RFC1: variants seen among roughly 807,000 people sequenced by gnomAD.
The protein encoded by RFC1 is replication factor C subunit 1, also known as A1 140 kDa subunit.
In RFC1, 37 loss-of-function variants were observed where a neutral mutation model predicts 137.4. That is an observed-to-expected ratio of 0.27 (90% CI 0.21 to 0.35). RFC1 has a LOEUF of 0.35. Among genes scored for constraint, RFC1 ranks in the 10% least tolerant of loss-of-function variants. The pLI is 1.00. For synonymous variants in RFC1, 429 were observed against 455.7 expected (o/e 0.94, Z 0.75); for missense variants, 1,205 against 1,358.5 (o/e 0.89, Z 1.78).
chr4:39,319,868 G>C (rs541299417), intron 9 of RFC1, among the ~76,000 whole-genome samples: 1 of 152,264 alleles, frequency 6.6e-6, no homozygotes, highest in Admixed American at 6.5e-5. Context: ...TTCACATCCT[G>C]GGTGAGATAA....
At chr4:39,301,673 G>A (rs1053322563) in intron 19 of RFC1, among the ~76,000 whole-genome samples, 2 of 150,070 alleles carry the variant, frequency 1.3e-5, no homozygotes, top group Admixed American at 6.6e-5. Context: ...TAGGCCAGAC[G>A]TGGTGGCTCA....
intron 14 of RFC1, among the ~76,000 whole-genome samples, chr4:39,305,982 AT>A: frequency 6.6e-6 from 1 of 152,228 alleles, no homozygotes; most frequent in Non-Finnish European, 1.5e-5. Flanking sequence ...GGATTGAGAA[AT>A]CCAGCAATAA....
At chr4:39,294,963 A>C (rs1384952732) in intron 22 of RFC1, among the ~76,000 whole-genome samples, 1 of 152,248 alleles carries the variant, frequency 6.6e-6, no homozygotes, top group African/African-American at 2.4e-5. Context: ...AGATCGCATC[A>C]CTGCATTCCA....
At chr4:39,295,992 G>A (rs1737968595) in intron 21 of RFC1, 1 of 348,270 alleles carries the variant, frequency 2.9e-6, no homozygotes, top group Non-Finnish European at 5.2e-6. Context: ...GGCCCTCAGG[G>A]AGATCATGTC....
chr4:39,361,650 T>C (rs895435674), intron 1 of RFC1, among the ~76,000 whole-genome samples: 2 of 152,124 alleles, frequency 1.3e-5, no homozygotes, highest in African/African-American at 4.8e-5. Flanking sequence ...AGAAATCCAC[T>C]AAAAAATTTA....
chr4:39,310,166 A>G (rs539913964), intron 12 of RFC1, among the ~76,000 whole-genome samples: 1 of 152,308 alleles, frequency 6.6e-6, no homozygotes, highest in East Asian at 1.9e-4. Context: ...AGAAAACATC[A>G]CAGATCCAAA....
chr4:39,342,305 T>C (rs1157263660), intron 4 of RFC1, 40 bp downstream of exon 4: 1 of 1,576,604 alleles, frequency 6.3e-7, no homozygotes, highest in East Asian at 2.3e-5. Context: ...CTCAAGAACA[T>C]AACACACACG....
intron 14 of RFC1, among the ~76,000 whole-genome samples, chr4:39,306,031 C>T (rs567576700): frequency 2.7e-4 from 41 of 152,344 alleles, no homozygotes; most frequent in African/African-American, 7.7e-4. Context: ...GATACTAACA[C>T]GTGAACTCTG....
chr4:39,310,815 G>T (rs763055006), intron 12 of RFC1, among the ~76,000 whole-genome samples: 4 of 152,088 alleles, frequency 2.6e-5, no homozygotes, highest in Admixed American at 2.0e-4. Flanking sequence ...ATCCTTTAAG[G>T]AACTCTTAAA....
intron 21 of RFC1, among the ~76,000 whole-genome samples, chr4:39,298,672 G>C (rs966909556): frequency 2.6e-5 from 4 of 152,040 alleles, no homozygotes; most frequent in Non-Finnish European, 5.9e-5. Flanking sequence ...TGACCACCTG[G>C]GAGAGCCAAG....
At chr4:39,362,720 A>G (rs1016926024) in intron 1 of RFC1, among the ~76,000 whole-genome samples, 2 of 152,246 alleles carry the variant, frequency 1.3e-5, no homozygotes, top group Admixed American at 6.5e-5. Flanking sequence ...TTGGATTAGC[A>G]AGAGAAACTT....
intron 23 of RFC1, among the ~76,000 whole-genome samples, chr4:39,290,429 A>C (rs1307558471): frequency 1.3e-5 from 2 of 152,090 alleles, no homozygotes; most frequent in Admixed American, 1.3e-4. Flanking sequence ...CAAACAAACA[A>C]AAGGTCACTT....
rs190957584 is a variant in RFC1 at position 39,341,620 on chromosome 4, G to C, written c.331+725C>G. On this transcript the variant is annotated intron_variant, in intron 4 of 24. Transcript: ENST00000349703. ...CTCAATGTGTCAGGCACTGGGTCTGGCCCTTTCACGTACAGCATCCCGTAT... is the reference window on the plus strand; with the variant it reads ...CTCAATGTGTCAGGCACTGGGTCTGCCCCTTTCACGTACAGCATCCCGTAT... The C allele has an allele frequency of 3.2e-4, 148 of 456,052 alleles. 1 individual carries two copies. Among genetic ancestry groups the C allele is most frequent in the African/African-American group, 2.8e-3 (138 of 50,106 alleles). The allele number at this position is 456,052 out of a possible 1,614,324, so 28.3% of individuals were successfully genotyped here.
Position 39,291,631 on chromosome 4 carries a change from T to C in RFC1, c.3168+8A>G, listed in dbSNP as rs761088227. ...AGTGACGAAGAACCAGTGAGTGACATGATTTACCTTGGGATCCAGCTTTGA... is the reference window on the plus strand; with the variant it reads ...AGTGACGAAGAACCAGTGAGTGACACGATTTACCTTGGGATCCAGCTTTGA... On this transcript the variant is annotated splice_region_variant and intron_variant, in intron 23 of 24. Transcript: ENST00000349703. The C allele has an allele frequency of 6.3e-6, 10 of 1,596,650 alleles. No homozygotes were observed. Among genetic ancestry groups the C allele is most frequent in the Non-Finnish European group, 8.6e-6 (10 of 1,164,114 alleles).
Position 39,317,021 on chromosome 4 carries a change from G to A in RFC1, c.1097C>T (p.Ser366Phe), listed in dbSNP as rs749259193. ...CTTTTCAGAATCTTCAGGACTTACA[G>A]ACTTTGGGAACAGGGAAAGGAAAAT... ...KTKSSPAKKESVSPEDSEKKR... is the reference protein window; with the variant it reads ...KTKSSPAKKEFVSPEDSEKKR... The change falls in exon 10 of 25, where the codon TCT becomes TTT. Residue 366 changes from serine to phenylalanine, a missense_variant and splice_region_variant. Coordinates refer to ENST00000349703, the MANE Select transcript of RFC1 (RefSeq NM_002913.5). 1.2e-6 allele frequency: 2 copies of A among 1,604,984 alleles called. No homozygotes were observed. The highest frequency in any genetic ancestry group is 1.7e-6 in the Non-Finnish European group (2 of 1,172,238).
chr4:39,312,080 T>C (rs4975004), intron 11 of RFC1, among the ~76,000 whole-genome samples: 72,737 of 152,006 alleles, frequency 0.48, 17,642 homozygotes, highest in African/African-American at 0.51. Flanking sequence ...CTATAAGACA[T>C]GTTTCTGGGA....
chr4:39,360,555 A>G (rs1320380586), intron 1 of RFC1, among the ~76,000 whole-genome samples: 3 of 150,686 alleles, frequency 2.0e-5, no homozygotes, highest in Admixed American at 2.0e-4. Context: ...AAAATAAAAT[A>G]AATACAATAA....
chr4:39,323,343 T>G lies in RFC1; in HGVS notation c.717A>C (p.Lys239Asn). Residue 239 changes from lysine to asparagine, a missense_variant, in exon 7 of 25, where the codon AAA (lysine) becomes AAC (asparagine). Lys to Asn is a moderately conservative substitution (Grantham distance 94, BLOSUM62 0). Around this residue, in one of 3 missense-constraint regions of RFC1, gnomAD observed 962 missense variants for 1,035.3 expected, o/e 0.93. Transcript: ENST00000349703. ...AAATAGCCCAACATTATGCCACCTTTTTGGTCTTGGGTTCTTCATCCAACA... is the reference window on the plus strand; with the variant it reads ...AAATAGCCCAACATTATGCCACCTTGTTGGTCTTGGGTTCTTCATCCAACA... The part of the protein sequence containing the change: ...LAMLDEEPKT[K>N]KARKDTEAGE... 1 of 1,613,954 alleles carries G rather than the reference T, an allele frequency of 6.2e-7. No homozygotes were observed. Among genetic ancestry groups the G allele is most frequent in the Non-Finnish European group, 8.5e-7 (1 of 1,179,878 alleles).
chr4:39,302,295 T>C lies in RFC1; in HGVS notation c.2518A>G (p.Lys840Glu), dbSNP rs1234737188. The change falls in exon 19 of 25, where the codon AAA (lysine) becomes GAA (glutamate). Residue 840 changes from lysine to glutamate, a missense_variant. Around this residue, in one of 3 missense-constraint regions of RFC1, gnomAD observed 962 missense variants for 1,035.3 expected, o/e 0.93. Coordinates refer to ENST00000349703, the MANE Select transcript of RFC1 (RefSeq NM_002913.5). ...DQAKADSHRAKKDIKMGPFDV... is the reference protein window; with the variant it reads ...DQAKADSHRAEKDIKMGPFDV... The stretch of plus-strand genomic sequence containing the variant: ...TATTTTACCATTTTGATATCCTTTT[T>C]GGCTCTGTGAGAATCAGCTTTGGCC... 1 of 1,609,072 alleles carries C rather than the reference T, an allele frequency of 6.2e-7. No homozygotes were observed. The highest frequency in any genetic ancestry group is 1.1e-5 in the South Asian group (1 of 90,988).
Sources: gnomAD v4.1 joint callset for allele counts (sites outside exome capture counted in the v4.1 genomes callset) on GRCh38, gnomAD v4.1.1 for gene constraint, gnomAD v4.1.1 regional missense constraint, MANE v1.5 for transcripts, NCBI Gene and HGNC (gene_info 2026-07-23, HGNC 2026-07-21) for gene names.